TBCD: variants seen among roughly 807,000 people sequenced by gnomAD.
The protein encoded by TBCD is tubulin-specific chaperone D.
Under a neutral mutation model 169.3 loss-of-function variants are expected in TBCD, and 105 were observed. That is an observed-to-expected ratio of 0.62 (90% CI 0.53 to 0.73). TBCD has a LOEUF of 0.73. Ranked by LOEUF, TBCD falls within the 30% of genes least tolerant of loss-of-function variation. The probability of loss-of-function intolerance (pLI) is 0.00; values close to 1 mark genes in which losing one functional copy is unlikely to be tolerated. For missense variants in TBCD, 1,444 were observed against 1,600.1 expected (o/e 0.90, Z 1.66); for synonymous variants, 700 against 643.9 (o/e 1.09, Z -1.32).
At position 82,864,685 on chromosome 17, in the gene TBCD, C is replaced by T. The variant is rs188446076; in HGVS notation, c.1319-5539C>T. Reference sequence around the variant, plus strand: ...CTGGGTGACTTTCCTGTGGAAAGAGCGGGCTTGGGGCTTGGTGCGTGATCC... The same window carrying T: ...CTGGGTGACTTTCCTGTGGAAAGAGTGGGCTTGGGGCTTGGTGCGTGATCC... On this transcript the variant is annotated intron_variant, in intron 13 of 38. Coordinates refer to ENST00000355528, the MANE Select transcript of TBCD (RefSeq NM_005993.5). This position sits in a 1 kb window ranked among gnomAD's most constrained non-coding sequence, Gnocchi z 6.3. 1.3e-4 allele frequency among the ~76,000 whole-genome samples: 20 copies of T among 152,228 alleles called. No individual in the cohort carries two copies. In the East Asian group the frequency reaches 2.5e-3, roughly 19 times the overall value.
In TBCD at chr17:82,768,685, G is replaced by A. The variant is rs912713652; in HGVS notation, c.582+119G>A. 9 of 1,133,530 alleles carry A rather than the reference G, an allele frequency of 7.9e-6. No individual in the cohort carries two copies. The Admixed American group carries it at 1.2e-4, about 15-fold the overall frequency. 70.2% of individuals were successfully genotyped at this position (1,133,530 alleles called of 1,614,324 possible). A position where few individuals can be genotyped will look rare whatever the true frequency, so the allele number is the denominator to read the frequency against. ...ATGTATTCAACTGCTGTTTTTTTCAGTGGGGTAAAATCCCATAGGATAACT... is the reference window on the plus strand; with the variant it reads ...ATGTATTCAACTGCTGTTTTTTTCAATGGGGTAAAATCCCATAGGATAACT... On this transcript the variant is annotated intron_variant, in intron 5 of 38. Coordinates refer to ENST00000355528, the MANE Select transcript of TBCD (RefSeq NM_005993.5).
At position 82,835,595 on chromosome 17, in the gene TBCD, T is replaced by C. The variant is rs1235509590; in HGVS notation, c.1318+20661T>C. ...CTACCACCACGCCCAGCTAATTTTT[T>C]TGTAATTTTAGTAGAGATGGGGTTT... is the stretch of plus-strand genomic sequence containing the variant. On this transcript the variant is annotated intron_variant, in intron 13 of 38. Transcript: ENST00000355528. The surrounding 1 kb of genome is among the most constrained non-coding windows in gnomAD (Gnocchi z 4.5). Among the ~76,000 whole-genome samples the C allele has an allele frequency of 6.6e-6, 1 of 152,058 alleles. No homozygotes were observed. Among genetic ancestry groups the C allele is most frequent in the Non-Finnish European group, 1.5e-5 (1 of 68,000 alleles).
At chr17:82,785,499 G>A (rs1427427085) in intron 7 of TBCD, among the ~76,000 whole-genome samples, 1 of 16,088 alleles carries the variant, frequency 6.2e-5, no homozygotes, top group Non-Finnish European at 1.1e-4. Context: ...TGTGTGACTG[G>A]GACCACTGGA....
Position 82,789,402 on chromosome 17 carries a change from G to T in TBCD, c.771+7681G>T, listed in dbSNP as rs983466137. Among the ~76,000 whole-genome samples, 1 of 152,226 alleles carries T rather than the reference G, an allele frequency of 6.6e-6. No individual in the cohort carries two copies. Among genetic ancestry groups the T allele is most frequent in the South Asian group, 2.1e-4 (1 of 4,830 alleles). Reference sequence around the variant, plus strand: ...GACGTGTGCTCACAGGCAGCCCGTCGCGGGGTCATGTGCTAGACGGGGAGG... The same window carrying T: ...GACGTGTGCTCACAGGCAGCCCGTCTCGGGGTCATGTGCTAGACGGGGAGG... On this transcript the variant is annotated intron_variant, in intron 7 of 38. Coordinates refer to ENST00000355528, the MANE Select transcript of TBCD (RefSeq NM_005993.5). The surrounding 1 kb of genome is among the most constrained non-coding windows in gnomAD (Gnocchi z 4.8).
At chr17:82,901,793 A>G (rs1316941195) in intron 18 of TBCD, among the ~76,000 whole-genome samples, 2 of 152,200 alleles carry the variant, frequency 1.3e-5, no homozygotes, top group African/African-American at 4.8e-5. Flanking sequence ...ATTCGCTTAC[A>G]GAGAGGGGTG....
chr17:82,837,306 T>C (rs1404489888), intron 13 of TBCD, among the ~76,000 whole-genome samples: 1 of 152,204 alleles, frequency 6.6e-6, no homozygotes, highest in Non-Finnish European at 1.5e-5. Context: ...AAATAGTCTC[T>C]GTGTGGTCAG....
intron 7 of TBCD, among the ~76,000 whole-genome samples, chr17:82,788,186 C>T (rs867879021): frequency 1.3e-5 from 2 of 151,958 alleles, no homozygotes; most frequent in South Asian, 2.1e-4. Context: ...TGCAGTGAGC[C>T]GACATGGCGC....
rs142714888 is a variant in TBCD, at chr17:82,830,701, G to A, written c.1318+15767G>A. On this transcript the variant is annotated intron_variant, in intron 13 of 38. Coordinates refer to ENST00000355528, the MANE Select transcript of TBCD (RefSeq NM_005993.5). ...CAGCTCTGAGAAGCTGGCGGTTTCC[G>A]CCTGGGGGCTGCCTTGGTACGTGGG... 14 of 1,614,022 alleles carry A rather than the reference G, an allele frequency of 8.7e-6. No homozygotes were observed. Among genetic ancestry groups the A allele is most frequent in the Non-Finnish European group, 1.2e-5 (14 of 1,180,052 alleles).
chr17:82,774,655 G>A (rs1296343902), intron 6 of TBCD, among the ~76,000 whole-genome samples: 3 of 152,112 alleles, frequency 2.0e-5, no homozygotes, highest in African/African-American at 7.2e-5. Flanking sequence ...CCTCCCAGAC[G>A]GAGCGGCGGC....
At chr17:82,756,112 A>T (rs933282807) in intron 1 of TBCD, 53 bp from the exon 2 acceptor site, 1 of 1,506,012 alleles carries the variant, frequency 6.6e-7, no homozygotes. Flanking sequence ...TCTGAGGCTC[A>T]TGGGTATGTT....
At chr17:82,793,406 T>A (rs1291201469) in intron 7 of TBCD, among the ~76,000 whole-genome samples, 1 of 152,222 alleles carries the variant, frequency 6.6e-6, no homozygotes, top group Non-Finnish European at 1.5e-5. Context: ...GGGGTGGTAG[T>A]GGGGCTCTTT....
intron 27 of TBCD, among the ~76,000 whole-genome samples, chr17:82,925,389 T>G (rs1278257841): frequency 6.6e-6 from 1 of 152,100 alleles, no homozygotes; most frequent in Non-Finnish European, 1.5e-5. Context: ...CCGGGTCCTG[T>G]TTTGGTTGCG....
intron 23 of TBCD, among the ~76,000 whole-genome samples, chr17:82,916,062 G>A (rs79099974): frequency 4.6e-5 from 7 of 152,064 alleles, no homozygotes; most frequent in Non-Finnish European, 5.9e-5. Flanking sequence ...TTCTTGTTCC[G>A]TGGGAATTCA....
Position 82,889,596 on chromosome 17 carries a change from G to T in TBCD, c.1534-72G>T. ...GTGGGTCATTCACGTTGTGCTGTTT[G>T]TTCTGAACTTGCCTCTGGTGTTGGC... On this transcript the variant is annotated intron_variant, in intron 15 of 38. Coordinates refer to ENST00000355528, the MANE Select transcript of TBCD (RefSeq NM_005993.5). This position sits in a 1 kb window ranked among gnomAD's most constrained non-coding sequence, Gnocchi z 5.3. 6.3e-7 allele frequency: 1 copy of T among 1,591,144 alleles called. No homozygotes were observed. Among genetic ancestry groups the T allele is most frequent in the African/African-American group, 1.3e-5 (1 of 74,550 alleles).
At chr17:82,886,694 C>G (rs1360357213) in intron 15 of TBCD, among the ~76,000 whole-genome samples, 48 of 67,932 alleles carry the variant, frequency 7.1e-4, no homozygotes, top group South Asian at 2.5e-3. Flanking sequence ...CCCTCCCCTC[C>G]CCTCCCACTC....
At chr17:82,828,391 C>T (rs2053127218) in intron 13 of TBCD, among the ~76,000 whole-genome samples, 1 of 149,482 alleles carries the variant, frequency 6.7e-6, no homozygotes. Flanking sequence ...CAGATACATG[C>T]ACACCCAATC....
At position 82,920,319 on chromosome 17, in the gene TBCD, A is replaced by C; in HGVS notation, c.2039-237A>C. 1.7e-6 allele frequency: 1 copy of C among 578,762 alleles called. No homozygotes were observed. Among genetic ancestry groups the C allele is most frequent in the East Asian group, 2.9e-5 (1 of 34,496 alleles). The allele number at this position is 578,762 out of a possible 1,614,324, so 35.9% of individuals were successfully genotyped here. A position where few individuals can be genotyped will look rare whatever the true frequency, so the allele number is the denominator to read the frequency against. ...TGGGCTCACACATGGGCCTTCTGCC[A>C]CGTGGCTGGGTCTGCAGCACTTTCT... On this transcript the variant is annotated intron_variant, in intron 23 of 38. Transcript: ENST00000355528. The surrounding 1 kb of genome is among the most constrained non-coding windows in gnomAD (Gnocchi z 4.1).
intron 13 of TBCD, among the ~76,000 whole-genome samples, chr17:82,824,941 T>C (rs548528215): frequency 2.7e-5 from 4 of 147,140 alleles, no homozygotes; most frequent in Non-Finnish European, 4.5e-5. Flanking sequence ...ATAAGTCTCT[T>C]TTTTTTTTCT....
rs755992315 is a variant in TBCD, at chr17:82,752,304, G to A, written c.111G>A (p.Arg37=). Reference sequence around the variant, plus strand: ...CGTTCGGCGAGAGCGCGGAGACCCGGGCGCTGCTGGGCCGCCTGCGGGAGG... The same window carrying A: ...CGTTCGGCGAGAGCGCGGAGACCCGAGCGCTGCTGGGCCGCCTGCGGGAGG... The part of the protein sequence containing the change: ...LEAFGESAET[R]ALLGRLREVH... The change falls in exon 1 of 39, where the codon CGG becomes CGA. Residue 37 remains arginine, a synonymous_variant. Coordinates refer to ENST00000355528, the MANE Select transcript of TBCD (RefSeq NM_005993.5). 1.1e-4 allele frequency: 164 copies of A among 1,493,036 alleles called. No individual in the cohort carries two copies. The highest frequency in any genetic ancestry group is 1.4e-4 in the Non-Finnish European group (153 of 1,129,458). 92.5% of individuals were successfully genotyped at this position (1,493,036 alleles called of 1,614,324 possible). A position where few individuals can be genotyped will look rare whatever the true frequency, so the allele number is the denominator to read the frequency against.
Sources: allele counts gnomAD v4.1 joint callset (sites outside exome capture counted in the v4.1 genomes callset), GRCh38; gene constraint gnomAD v4.1.1; non-coding constraint Gnocchi (gnomAD v3.1); transcripts MANE v1.5; gene names NCBI Gene and HGNC (gene_info 2026-07-23, HGNC 2026-07-21).